The following DOCK8 variants were observed in gnomAD, a reference collection of about 807,000 sequenced individuals.
DOCK8 encodes the protein dedicator of cytokinesis protein 8.
Under a neutral mutation model 245.6 loss-of-function variants are expected in DOCK8, and 141 were observed. The observed-to-expected ratio is 0.57, with a 90% confidence interval of 0.50 to 0.66. The LOEUF (loss-of-function observed/expected upper bound fraction) is 0.66, where lower values mean the gene tolerates loss of function less well. DOCK8 is among the 30% of genes least tolerant of loss of function. The probability of loss-of-function intolerance (pLI) is 0.00; values close to 1 mark genes in which losing one functional copy is unlikely to be tolerated. For missense variants in DOCK8, 2,965 were observed against 2,603.4 expected (o/e 1.14, Z -3.02); for synonymous variants, 1,168 against 970.2 (o/e 1.20, Z -3.79).
chr9:355,238 T>C (rs2052378110), intron 14 of DOCK8, among the ~76,000 whole-genome samples: 1 of 137,224 alleles, frequency 7.3e-6, no homozygotes, highest in Admixed American at 8.4e-5. Context: ...AGAGTCTCGC[T>C]CTGTCACCAG....
chr9:231,785 G>A (rs199737035), intron 1 of DOCK8, among the ~76,000 whole-genome samples: 1 of 152,060 alleles, frequency 6.6e-6, no homozygotes, highest in Non-Finnish European at 1.5e-5. Context: ...TTATCATCTT[G>A]AGGAGATTTT....
chr9:247,132 A>C (rs1342822941), intron 1 of DOCK8, among the ~76,000 whole-genome samples: 1 of 152,210 alleles, frequency 6.6e-6, no homozygotes, highest in East Asian at 1.9e-4. Context: ...ATGCTTATTA[A>C]AAACATTTAC....
intron 5 of DOCK8, among the ~76,000 whole-genome samples, chr9:310,828 A>G (rs546951284): frequency 5.3e-5 from 8 of 152,302 alleles, no homozygotes; most frequent in Middle Eastern, 3.4e-3. Context: ...ATGACAGACA[A>G]ATTCTATGAT....
chr9:232,248 A>G (rs1377642007), intron 1 of DOCK8, among the ~76,000 whole-genome samples: 3 of 152,140 alleles, frequency 2.0e-5, no homozygotes, highest in Non-Finnish European at 4.4e-5. Flanking sequence ...GATGAAGCCC[A>G]CTTGATCATG....
Position 443,429 on chromosome 9 carries a change from A to G in DOCK8, c.5493A>G (p.Ala1831=), listed in dbSNP as rs755760356. 6.8e-6 allele frequency: 11 copies of G among 1,613,904 alleles called. No homozygotes were observed. The highest frequency in any genetic ancestry group is 9.3e-6 in the Non-Finnish European group (11 of 1,179,946). ...KLPEISHRLE[A]FYGQCFGAEF... is the part of the protein sequence containing the mutation. ...AACTGTTGGTTCTTCTTACCTAGGC[A>G]TTTTATGGTCAATGTTTTGGTGCAG... The change falls in exon 43 of 48, where the codon GCA becomes GCG. Residue 1831 remains alanine (A), a splice_region_variant and synonymous_variant. Coordinates refer to ENST00000432829, the MANE Select transcript of DOCK8 (RefSeq NM_203447.4).
intron 5 of DOCK8, among the ~76,000 whole-genome samples, chr9:311,058 G>A (rs964724196): frequency 6.6e-6 from 1 of 152,040 alleles, no homozygotes; most frequent in Non-Finnish European, 1.5e-5. Context: ...GGTTGATGGC[G>A]GCGGATCACC....
At chr9:371,303 T>TA (rs1194733468) in intron 16 of DOCK8, 125 bp from the exon 17 acceptor site, 2 of 1,081,166 alleles carry the variant, frequency 1.8e-6, no homozygotes, top group African/African-American at 3.1e-5. Context: ...CAGAGCAGAG[T>TA]AATGTAAAAT....
chr9:397,735 A>G (rs2054532569), intron 25 of DOCK8, among the ~76,000 whole-genome samples: 2 of 152,324 alleles, frequency 1.3e-5, no homozygotes, highest in East Asian at 1.9e-4. Context: ...CTCTTAGGAA[A>G]TACACCTTGA....
In DOCK8 at chr9:317,975, C is replaced by CA. The variant is rs33920445; in HGVS notation, c.827+859dup. ...ACGTTTCAATTGTATACTATGATAG[C>CA]AAAAAAAAAAAATCCTCTATAGACA... On this transcript the variant is annotated intron_variant, in intron 7 of 47. Coordinates refer to ENST00000432829, the MANE Select transcript of DOCK8 (RefSeq NM_203447.4). 3.1e-3 allele frequency among the ~76,000 whole-genome samples: 470 copies of CA among 149,710 alleles called. 1 individual carries two copies. Among genetic ancestry groups the CA allele is most frequent in the African/African-American group, 0.01 (425 of 40,932 alleles).
chr9:334,741 C>G (rs983092078), intron 11 of DOCK8, among the ~76,000 whole-genome samples: 1 of 151,900 alleles, frequency 6.6e-6, no homozygotes, highest in African/African-American at 2.4e-5. Flanking sequence ...ATGGTCGACT[C>G]CTAAACCTAA....
chr9:226,972 A>G (rs756227736), intron 1 of DOCK8, among the ~76,000 whole-genome samples: 1 of 152,218 alleles, frequency 6.6e-6, no homozygotes, highest in Non-Finnish European at 1.5e-5. Context: ...AAAAATAAAT[A>G]TATGCATAAC....
chr9:310,528 G>A (rs568558050), intron 5 of DOCK8, among the ~76,000 whole-genome samples: 8 of 152,258 alleles, frequency 5.3e-5, no homozygotes, highest in African/African-American at 9.6e-5. Context: ...GCACCATCTC[G>A]GGTCATTACA....
intron 11 of DOCK8, 76 bp from the exon 12 acceptor site, chr9:336,506 C>T: frequency 6.3e-7 from 1 of 1,585,764 alleles, no homozygotes; most frequent in Non-Finnish European, 8.6e-7. Flanking sequence ...TTTAATCATA[C>T]ATATTGTGAA....
intron 1 of DOCK8, among the ~76,000 whole-genome samples, chr9:257,405 C>A (rs554179096): frequency 3.7e-4 from 57 of 152,296 alleles, no homozygotes; most frequent in African/African-American, 1.4e-3. Context: ...CAAGAGAAGG[C>A]TGGCAGGTAG....
chr9:393,577 G>C (rs1465900433), intron 24 of DOCK8, among the ~76,000 whole-genome samples: 1 of 152,122 alleles, frequency 6.6e-6, no homozygotes, highest in Non-Finnish European at 1.5e-5. Flanking sequence ...AACTGCTTTT[G>C]GCCTTGCACA....
At chr9:329,952 T>C (rs1227723860) in intron 9 of DOCK8, among the ~76,000 whole-genome samples, 4 of 152,262 alleles carry the variant, frequency 2.6e-5, no homozygotes, top group African/African-American at 9.6e-5. Context: ...TGTTTGCTTT[T>C]CTTTATCGTA....
intron 14 of DOCK8, chr9:365,604 G>A (rs569749648): frequency 2.2e-6 from 1 of 454,308 alleles, no homozygotes; most frequent in African/African-American, 2.0e-5. Flanking sequence ...AGTCTTCCAG[G>A]TTTCAGCTGT....
chr9:233,675 C>A (rs2047175764), intron 1 of DOCK8, among the ~76,000 whole-genome samples: 1 of 152,264 alleles, frequency 6.6e-6, no homozygotes, highest in East Asian at 1.9e-4. Flanking sequence ...CTCTTTTGAT[C>A]TTTGTTGGTT....
chr9:410,024 A>T (rs183255097), intron 28 of DOCK8, among the ~76,000 whole-genome samples: 1 of 152,216 alleles, frequency 6.6e-6, no homozygotes, highest in African/African-American at 2.4e-5. Flanking sequence ...TCATGCTGCT[A>T]TAAAGACATA....
Sources: gnomAD v4.1 joint callset for allele counts (sites outside exome capture counted in the v4.1 genomes callset) on GRCh38, gnomAD v4.1.1 for gene constraint, MANE v1.5 for transcripts, NCBI Gene and HGNC (gene_info 2026-07-23, HGNC 2026-07-21) for gene names.